MKLN1: variants seen among roughly 807,000 people sequenced by gnomAD.
MKLN1 encodes the protein muskelin.
MKLN1 carries 18 observed loss-of-function variants against 99.0 expected under a neutral mutation model. That is an observed-to-expected ratio of 0.18 (90% confidence interval 0.13 to 0.27). The LOEUF (loss-of-function observed/expected upper bound fraction) is 0.27. Ranked by LOEUF, MKLN1 falls within the 10% of genes least tolerant of loss-of-function variation. MKLN1 has a pLI of 1.00. For synonymous variants in MKLN1, 288 were observed against 293.2 expected (o/e 0.98, Z 0.18); for missense variants, 621 against 875.9 (o/e 0.71, Z 3.67).
chr7:131,469,313 A>C (rs572923416), intron 15 of MKLN1, among the ~76,000 whole-genome samples: 1 of 152,278 alleles, frequency 6.6e-6, no homozygotes, highest in African/African-American at 2.4e-5. Context: ...TCTGCTCTTT[A>C]CATGTCCTTA....
intron 3 of MKLN1, among the ~76,000 whole-genome samples, chr7:131,212,342 G>C (rs890962440): frequency 6.6e-6 from 1 of 152,148 alleles, no homozygotes; most frequent in Non-Finnish European, 1.5e-5. Context: ...CACTCACACA[G>C]CAGGAAAGTC....
intron 12 of MKLN1, among the ~76,000 whole-genome samples, chr7:131,458,364 A>C (rs547353527): frequency 6.6e-6 from 1 of 152,324 alleles, no homozygotes; most frequent in East Asian, 1.9e-4. Flanking sequence ...TGAAAACTAA[A>C]TCTAAGAAAT....
chr7:131,150,961 T>C (rs1025347025), intron 2 of MKLN1, among the ~76,000 whole-genome samples: 10 of 152,308 alleles, frequency 6.6e-5, no homozygotes, highest in Non-Finnish European at 1.3e-4. Flanking sequence ...TAAAATAGAC[T>C]TGTTTTTGTA....
intron 2 of MKLN1, among the ~76,000 whole-genome samples, chr7:131,378,916 A>C (rs1793754484): frequency 6.6e-6 from 1 of 151,516 alleles, no homozygotes; most frequent in African/African-American, 2.4e-5. Context: ...TGGAACCTTA[A>C]AGCAATTCAT....
At chr7:131,358,531 A>G (rs1463299419) in intron 1 of MKLN1, among the ~76,000 whole-genome samples, 1 of 152,124 alleles carries the variant, frequency 6.6e-6, no homozygotes, top group African/African-American at 2.4e-5. Flanking sequence ...TATTAGGTTA[A>G]TGCTGGTCTC....
chr7:131,324,885 C>T (rs1221053034), upstream of MKLN1, among the ~76,000 whole-genome samples: 6 of 152,126 alleles, frequency 3.9e-5, no homozygotes, highest in Non-Finnish European at 7.4e-5. Context: ...GTCTTGGTAT[C>T]ATAATATAGC....
intron 3 of MKLN1, among the ~76,000 whole-genome samples, chr7:131,314,853 C>T (rs967173837): frequency 6.6e-5 from 10 of 151,936 alleles, no homozygotes; most frequent in Non-Finnish European, 1.2e-4. Context: ...TTCATCTAGC[C>T]TTGACACATT....
chr7:131,163,994 C>G (rs73726315), intron 2 of MKLN1, among the ~76,000 whole-genome samples: 102 of 152,254 alleles, frequency 6.7e-4, no homozygotes, highest in African/African-American at 2.5e-3. Flanking sequence ...GGAATAATTG[C>G]AAATTAAGCT....
At chr7:131,397,670 G>C (rs1399109719) in intron 5 of MKLN1, among the ~76,000 whole-genome samples, 2 of 152,116 alleles carry the variant, frequency 1.3e-5, no homozygotes, top group Non-Finnish European at 2.9e-5. Context: ...AAGTGTTTGA[G>C]CCAGTATATG....
chr7:131,377,433 C>A (rs933689580), intron 2 of MKLN1, among the ~76,000 whole-genome samples: 1 of 152,104 alleles, frequency 6.6e-6, no homozygotes, highest in African/African-American at 2.4e-5. Flanking sequence ...ACATTAAAAT[C>A]TCTTTGCATA....
At chr7:131,480,708 T>C (rs572160029) in intron 17 of MKLN1, among the ~76,000 whole-genome samples, 6 of 152,288 alleles carry the variant, frequency 3.9e-5, no homozygotes, top group African/African-American at 1.4e-4. Context: ...TAAACATTAT[T>C]TTGGAAAGTT....
intron 8 of MKLN1, among the ~76,000 whole-genome samples, chr7:131,419,217 CAT>C (rs906119455): frequency 6.0e-4 from 84 of 139,308 alleles, no homozygotes; most frequent in African/African-American, 2.0e-3. Flanking sequence ...AGATTCATTA[CAT>C]ATATATATGT....
rs775324724 is a variant in MKLN1 at position 131,489,324 on chromosome 7, T to A, written c.*1596T>A. ...CCTAGCATCCCAAAGCAGTCAACAG[T>A]GATTTCTTAAGCAATTTGATCTGTA... On this transcript the variant is annotated 3_prime_UTR_variant, in exon 18 of 18. Coordinates refer to ENST00000352689, the MANE Select transcript of MKLN1 (RefSeq NM_013255.5). 6.6e-6 allele frequency: 1 copy of A among 152,260 alleles called. No homozygotes were observed. The highest frequency in any genetic ancestry group is 2.1e-4 in the South Asian group (1 of 4,826). The allele number at this position is 152,260 out of a possible 1,614,324, so 9.4% of individuals were successfully genotyped here.
intron 6 of MKLN1, among the ~76,000 whole-genome samples, chr7:131,399,720 A>G (rs1331632022): frequency 6.6e-6 from 1 of 152,222 alleles, no homozygotes; most frequent in African/African-American, 2.4e-5. Context: ...AAACTGTATC[A>G]GAAATAATAT....
Position 131,407,215 on chromosome 7 carries a change from T to C in MKLN1, c.704-4091T>C, listed in dbSNP as rs542664275. Among the ~76,000 whole-genome samples, 5 of 152,226 alleles carry C rather than the reference T, an allele frequency of 3.3e-5. No homozygotes were observed. The East Asian group carries it at 7.7e-4, about 23-fold the overall frequency. ...CTCTCATTTCTAACAATTCCATTTT[T>C]GTTTCCTTTGGTTGTCTTGCCATTT... On this transcript the variant is annotated intron_variant, in intron 6 of 17. Coordinates refer to ENST00000352689, the MANE Select transcript of MKLN1 (RefSeq NM_013255.5).
At chr7:131,391,997 G>C (rs1794209463) in intron 4 of MKLN1, among the ~76,000 whole-genome samples, 1 of 152,140 alleles carries the variant, frequency 6.6e-6, no homozygotes, top group Non-Finnish European at 1.5e-5. Context: ...TAGTAACAGA[G>C]GTGAGTTATT....
At chr7:131,117,594 A>G (rs1795297778) in intron 1 of MKLN1, among the ~76,000 whole-genome samples, 2 of 152,270 alleles carry the variant, frequency 1.3e-5, no homozygotes, top group South Asian at 4.1e-4. Flanking sequence ...ACAATGAAGA[A>G]CAACGTGTAT....
rs1425376254 is a variant in MKLN1, at chr7:131,488,987, C to T, written c.*1259C>T. The T allele has an allele frequency of 6.6e-6, 1 of 152,136 alleles. No homozygotes were observed. The highest frequency in any genetic ancestry group is 1.5e-5 in the Non-Finnish European group (1 of 68,022). 9.4% of individuals were successfully genotyped at this position (152,136 alleles called of 1,614,324 possible). The stretch of plus-strand genomic sequence containing the variant: ...GAAACCTACATCTGGCTAGTGCTTA[C>T]ATTTGCTCAAAAAGCATGTTGTATG... On this transcript the variant is annotated 3_prime_UTR_variant, in exon 18 of 18. Transcript: ENST00000352689.
chr7:131,302,864 G>A (rs1385783046), intron 3 of MKLN1, among the ~76,000 whole-genome samples: 5 of 152,184 alleles, frequency 3.3e-5, no homozygotes, highest in Non-Finnish European at 7.3e-5. Context: ...GGTGGATGAG[G>A]AAATTATGGT....
Sources: gnomAD v4.1 joint callset for allele counts (sites outside exome capture counted in the v4.1 genomes callset) on GRCh38, gnomAD v4.1.1 for gene constraint, MANE v1.5 for transcripts, NCBI Gene and HGNC (gene_info 2026-07-23, HGNC 2026-07-21) for gene names.